The following ASRGL1 variants were observed in gnomAD, a reference collection of about 807,000 sequenced individuals.
ASRGL1 encodes the protein asparaginase and isoaspartyl peptidase 1.
In ASRGL1, 16 loss-of-function variants were observed where a neutral mutation model predicts 22.4. The observed-to-expected ratio is 0.71, with a 90% CI of 0.48 to 1.08. The LOEUF is 1.08. Ranked by LOEUF, ASRGL1 falls within the 50% of genes least tolerant of loss-of-function variation. The pLI, the probability that ASRGL1 is intolerant of heterozygous loss-of-function variation, is 0.00. For missense variants in ASRGL1, 412 were observed against 410.1 expected (o/e 1.00, Z -0.04); for synonymous variants, 165 against 159.3 (o/e 1.04, Z -0.27).
At chr11:62,363,480 C>A (rs769417839) in intron 4 of ASRGL1, among the ~76,000 whole-genome samples, 11 of 152,050 alleles carry the variant, frequency 7.2e-5, no homozygotes, top group Non-Finnish European at 1.6e-4. Flanking sequence ...ATAACATTCT[C>A]CTGTTTTTGA....
At chr11:62,391,150 A>T (rs1267494804) in intron 5 of ASRGL1, among the ~76,000 whole-genome samples, 1 of 152,162 alleles carries the variant, frequency 6.6e-6, no homozygotes, top group Non-Finnish European at 1.5e-5. Flanking sequence ...CTTGCTAGAG[A>T]TCCATATAAT....
downstream of ASRGL1, among the ~76,000 whole-genome samples, chr11:62,394,217 A>G (rs1390267977): frequency 1.5e-5 from 2 of 137,692 alleles, no homozygotes; most frequent in Non-Finnish European, 3.1e-5. Flanking sequence ...ATGATATATA[A>G]TATTATATAT....
chr11:62,391,382 C>A, intron 5 of ASRGL1, 140 bp from the exon 6 acceptor site: 1 of 1,286,256 alleles, frequency 7.8e-7, no homozygotes, highest in Admixed American at 2.8e-5. Flanking sequence ...CCTTTGCCTC[C>A]GCAGATCATG....
chr11:62,384,791 G>T (rs1033763123), intron 4 of ASRGL1, among the ~76,000 whole-genome samples: 37 of 131,594 alleles, frequency 2.8e-4, no homozygotes, highest in Non-Finnish European at 8.0e-5. Flanking sequence ...GGTGGTGCAT[G>T]CCCATAATCC....
rs932599287 is a variant in ASRGL1, at chr11:62,372,584, T to C, written c.491+15440T>C. 3.4e-6 allele frequency: 3 copies of C among 886,216 alleles called. No individual in the cohort carries two copies. The African/African-American group carries it at 4.9e-5, about 15-fold the overall frequency. 54.9% of individuals were successfully genotyped at this position (886,216 alleles called of 1,614,324 possible). ...GAGAAGACAAAAGACAGATTCTGCC[T>C]GTACCAAATATGGTTATGCGAGACG... On this transcript the variant is annotated intron_variant, in intron 4 of 6. Coordinates refer to ENST00000415229, the MANE Select transcript of ASRGL1 (RefSeq NM_001083926.2).
chr11:62,392,247 T>C lies in ASRGL1; in HGVS notation c.890T>C (p.Ile297Thr), dbSNP rs1464062907. 2.5e-6 allele frequency: 4 copies of C among 1,614,000 alleles called. No homozygotes were observed. The Admixed American group carries it at 6.7e-5, about 27-fold the overall frequency. ...AAKDGKLHFG[I>T]DPDDTTITDL... is the part of the protein sequence containing the mutation. ...AAGGACGGCAAGCTGCACTTCGGAA[T>C]TGATCCTGACGATACTACTATCACC... is the stretch of plus-strand genomic sequence containing the variant. Residue 297 changes from isoleucine to threonine, a missense_variant, in exon 7 of 7, where the codon ATT (isoleucine) becomes ACT (threonine). Physicochemically the swap from Ile to Thr is moderately conservative, Grantham distance 89. Coordinates refer to ENST00000415229, the MANE Select transcript of ASRGL1 (RefSeq NM_001083926.2).
At chr11:62,352,646 A>G (rs1045256102) in intron 2 of ASRGL1, among the ~76,000 whole-genome samples, 1 of 152,132 alleles carries the variant, frequency 6.6e-6, no homozygotes, top group African/African-American at 2.4e-5. Flanking sequence ...TTCCTAATAC[A>G]ATCTGAGAGT....
At chr11:62,390,757 A>G (rs1407751827) in intron 5 of ASRGL1, among the ~76,000 whole-genome samples, 1 of 152,214 alleles carries the variant, frequency 6.6e-6, no homozygotes, top group Admixed American at 6.5e-5. Context: ...CCAATGCAGC[A>G]TCTCAACTCC....
chr11:62,389,464 T>C (rs987822748), intron 5 of ASRGL1: 2 of 632,044 alleles, frequency 3.2e-6, no homozygotes, highest in Non-Finnish European at 5.9e-6. Flanking sequence ...CTGTTTTTAC[T>C]AGATTGCATG....
intron 4 of ASRGL1, chr11:62,371,149 G>A (rs1368997554): frequency 1.1e-5 from 12 of 1,123,458 alleles, no homozygotes; most frequent in Admixed American, 4.0e-5. Flanking sequence ...CAGGAAGAAG[G>A]CGGCGGTGGC....
chr11:62,400,309 A>C, the ASRGL1 span, among the ~76,000 whole-genome samples: 1 of 152,220 alleles, frequency 6.6e-6, no homozygotes. Flanking sequence ...TAACAACTGG[A>C]AAGTTCTCAG....
intron 2 of ASRGL1, among the ~76,000 whole-genome samples, chr11:62,343,545 T>G (rs891404817): frequency 6.6e-6 from 1 of 151,542 alleles, no homozygotes; most frequent in African/African-American, 2.4e-5. Context: ...CTGGCCAACA[T>G]AGTGAAACCC....
intron 4 of ASRGL1, chr11:62,372,671 C>A: frequency 9.2e-7 from 1 of 1,086,820 alleles, no homozygotes; most frequent in Non-Finnish European, 1.4e-6. Context: ...TCTCCTGGGG[C>A]TTCAGTGGCT....
At position 62,380,257 on chromosome 11, in the gene ASRGL1, C is replaced by T. The variant is rs117801363; in HGVS notation, c.492-8876C>T. Among the ~76,000 whole-genome samples, 829 of 152,188 alleles carry T rather than the reference C, an allele frequency of 5.4e-3. 26 individuals are homozygous for T. In the East Asian group the frequency reaches 0.095, roughly 17 times the overall value. ...GTGGCTGATTGACACTCAGGATTGGCGTTTCCATATGCCATCAACTCCACT... is the reference window on the plus strand; with the variant it reads ...GTGGCTGATTGACACTCAGGATTGGTGTTTCCATATGCCATCAACTCCACT... On this transcript the variant is annotated intron_variant, in intron 4 of 6. Transcript: ENST00000415229.
At chr11:62,367,069 T>C (rs1946628400) in intron 4 of ASRGL1, among the ~76,000 whole-genome samples, 1 of 151,936 alleles carries the variant, frequency 6.6e-6, no homozygotes, top group Non-Finnish European at 1.5e-5. Context: ...TCGGGCATGG[T>C]GGCGCATGCC....
rs113888230 is a variant in ASRGL1 at position 62,367,210 on chromosome 11, T to C, written c.491+10066T>C. Among the ~76,000 whole-genome samples the C allele has an allele frequency of 9.7e-3, 1,478 of 151,966 alleles. 32 individuals carry two copies. The highest frequency in any genetic ancestry group is 0.031 in the African/African-American group (1,288 of 41,410). On this transcript the variant is annotated intron_variant, in intron 4 of 6. Coordinates refer to ENST00000415229, the MANE Select transcript of ASRGL1 (RefSeq NM_001083926.2). ...AAAATTAGCCGGGCATGGTGGTAGG[T>C]ACCTGTAGTCCCAGCTGCTCGGGAG...
At chr11:62,342,335 A>G (rs1945885784) in intron 2 of ASRGL1, among the ~76,000 whole-genome samples, 2 of 152,216 alleles carry the variant, frequency 1.3e-5, no homozygotes. Context: ...AAATTGTGGG[A>G]GCTAAGAACG....
intron 4 of ASRGL1, among the ~76,000 whole-genome samples, chr11:62,385,226 G>A (rs1240652399): frequency 6.6e-6 from 1 of 152,196 alleles, no homozygotes; most frequent in Non-Finnish European, 1.5e-5. Context: ...TTTTACATTT[G>A]TTTATGGGTT....
At chr11:62,340,889 T>C (rs1281503892) in intron 2 of ASRGL1, among the ~76,000 whole-genome samples, 9 of 152,222 alleles carry the variant, frequency 5.9e-5, no homozygotes, top group Non-Finnish European at 1.2e-4. Context: ...TCAGTGGCAG[T>C]AATTAGCATT....
Sources: allele counts gnomAD v4.1 joint callset (sites outside exome capture counted in the v4.1 genomes callset), GRCh38; gene constraint gnomAD v4.1.1; transcripts MANE v1.5; gene names NCBI Gene and HGNC (gene_info 2026-07-23, HGNC 2026-07-21).